The following PTGR2 variants were observed in gnomAD, a reference collection of about 807,000 sequenced individuals.
PTGR2 encodes the protein prostaglandin reductase 2, also known as 15-oxoprostaglandin 13-reductase.
Under a neutral mutation model 43.4 loss-of-function variants are expected in PTGR2, and 32 were observed. That is an observed-to-expected ratio of 0.74 (90% CI 0.56 to 0.99). The LOEUF (loss-of-function observed/expected upper bound fraction) is 0.99, where lower values mean the gene tolerates loss of function less well. Ranked by LOEUF, PTGR2 falls within the 50% of genes least tolerant of loss-of-function variation. PTGR2 has a pLI of 0.00. For synonymous variants in PTGR2, 106 were observed against 139.2 expected (o/e 0.76, Z 1.68); for missense variants, 373 against 420.0 (o/e 0.89, Z 0.98).
intron 1 of PTGR2, among the ~76,000 whole-genome samples, chr14:73,856,922 A>G (rs754834748): frequency 2.6e-5 from 4 of 152,238 alleles, no homozygotes; most frequent in Non-Finnish European, 4.4e-5. Flanking sequence ...TCAGCAAGTC[A>G]GATAGTGCTA....
At position 73,877,069 on chromosome 14, in the gene PTGR2, C is replaced by G. The variant is rs571676893; in HGVS notation, c.420C>G (p.Ser140=). 1.2e-6 allele frequency: 2 copies of G among 1,613,804 alleles called. No individual in the cohort carries two copies. The highest frequency in any genetic ancestry group is 1.1e-5 in the South Asian group (1 of 91,058). The change falls in exon 5 of 10, where the codon TCC becomes TCG. Residue 140 remains serine, a synonymous_variant. Transcript: ENST00000555661. ...LGAIGMPGLT[S]LIGIQEKGHI... Reference sequence around the variant, plus strand: ...CTATAGGTATGCCTGGTTTGACTTCCTTGATTGGGATACAGGAAAAAGGTC... The same window carrying G: ...CTATAGGTATGCCTGGTTTGACTTCGTTGATTGGGATACAGGAAAAAGGTC...
rs1798652360 is a variant in PTGR2, at chr14:73,858,874, A to T, written c.12A>T (p.Gln4His). Residue 4 changes from glutamine (Q) to histidine (H), a missense_variant, in exon 2 of 10, where the codon CAA becomes CAT. Coordinates refer to ENST00000555661, the MANE Select transcript of PTGR2 (RefSeq NM_001146154.2). MIV[Q>H]RVVLNSRPGK... Reference sequence around the variant, plus strand: ...GCCCAACCAGAGCAATGATTGTTCAAAGAGTGGTATTGAATTCTCGACCTG... The same window carrying T: ...GCCCAACCAGAGCAATGATTGTTCATAGAGTGGTATTGAATTCTCGACCTG... 2 of 1,611,864 alleles carry T rather than the reference A, an allele frequency of 1.2e-6. No individual in the cohort carries two copies.
rs543530771 is a variant in PTGR2 at position 73,869,754 on chromosome 14, G to A, written c.157-4269G>A. The stretch of plus-strand genomic sequence containing the variant: ...TAAAAAAAATAATCAGGCTGGGCGA[G>A]GTGGCTCATGCTGGTAATCCCAGCA... On this transcript the variant is annotated intron_variant, in intron 3 of 9. Transcript: ENST00000555661. Among the ~76,000 whole-genome samples the A allele has an allele frequency of 3.3e-5, 5 of 151,842 alleles. No individual in the cohort carries two copies. In the East Asian group the frequency reaches 9.8e-4, roughly 30 times the overall value.
At chr14:73,873,977 G>A in intron 3 of PTGR2, 46 bp from the exon 4 acceptor site, 1 of 1,452,136 alleles carries the variant, frequency 6.9e-7, no homozygotes, top group Non-Finnish European at 9.3e-7. Flanking sequence ...TAGTAGAGTG[G>A]TTTGACATTA....
chr14:73,863,492 T>G (rs2054538488), intron 3 of PTGR2, among the ~76,000 whole-genome samples: 1 of 152,156 alleles, frequency 6.6e-6, no homozygotes, highest in Non-Finnish European at 1.5e-5. Context: ...TTAAAATTTT[T>G]TAAAAAAACA....
chr14:73,880,590 A>C (rs1400521365), intron 7 of PTGR2, among the ~76,000 whole-genome samples: 2 of 129,502 alleles, frequency 1.5e-5, no homozygotes, highest in African/African-American at 2.6e-5. Context: ...AAAAAAACAA[A>C]AAAAAAAAAA....
chr14:73,884,144 G>C lies in PTGR2; in HGVS notation c.1023G>C (p.Gln341His). Residue 341 changes from glutamine (Q) to histidine (H), a missense_variant, in exon 10 of 10, where the codon CAG (glutamine) becomes CAC (histidine). By Grantham distance (24) the Gln-to-His change is conservative (BLOSUM62 0). Coordinates refer to ENST00000555661, the MANE Select transcript of PTGR2 (RefSeq NM_001146154.2). Reference sequence around the variant, plus strand: ...TGACAGGAGGTAACATTGGAAAGCAGATAGTTTGCATTTCAGAAGAAATCT... The same window carrying C: ...TGACAGGAGGTAACATTGGAAAGCACATAGTTTGCATTTCAGAAGAAATCT... ...SMMTGGNIGK[Q>H]IVCISEEISL The C allele has an allele frequency of 6.2e-7, 1 of 1,608,068 alleles. No homozygotes were observed. Among genetic ancestry groups the C allele is most frequent in the Non-Finnish European group, 8.5e-7 (1 of 1,177,168 alleles).
chr14:73,854,132 C>T (rs899113452), intron 1 of PTGR2, among the ~76,000 whole-genome samples: 6 of 151,984 alleles, frequency 3.9e-5, no homozygotes, highest in Admixed American at 1.3e-4. Context: ...GACAAAGTTT[C>T]GCTCTTGTCC....
intron 3 of PTGR2, among the ~76,000 whole-genome samples, chr14:73,867,878 C>A (rs547244177): frequency 5.9e-5 from 9 of 152,190 alleles, no homozygotes; most frequent in Non-Finnish European, 1.3e-4. Flanking sequence ...AGCCAGAATG[C>A]CAGAGTGATT....
Position 73,865,087 on chromosome 14 carries a change from A to T in PTGR2, c.156+4430A>T, listed in dbSNP as rs150174916. On this transcript the variant is annotated intron_variant, in intron 3 of 9. Transcript: ENST00000555661. ...AGACATGCACACACATATATATGAG[A>T]GGGGACTTATAAGAGGAATTGGCTC... Among the ~76,000 whole-genome samples, 451 of 152,244 alleles carry T rather than the reference A, an allele frequency of 3.0e-3. 5 individuals carry two copies. Among genetic ancestry groups the T allele is most frequent in the Middle Eastern group, 0.01 (3 of 294 alleles).
intron 3 of PTGR2, among the ~76,000 whole-genome samples, chr14:73,868,149 C>G (rs937468024): frequency 6.6e-6 from 1 of 152,058 alleles, no homozygotes. Context: ...ATTAGCCAGG[C>G]GTGGTGGCAC....
At chr14:73,881,121 A>C (rs1019968594) in intron 7 of PTGR2, 84 bp from the exon 8 acceptor site, 1 of 804,978 alleles carries the variant, frequency 1.2e-6, no homozygotes, top group South Asian at 1.5e-5. Context: ...GGATTAACAG[A>C]TATTAGAATT....
At chr14:73,874,553 A>G (rs1392130549) in intron 4 of PTGR2, 1 of 464,350 alleles carries the variant, frequency 2.2e-6, no homozygotes, top group Admixed American at 2.3e-5. Flanking sequence ...GGTGTTCTTT[A>G]TTTGTTTCTT....
chr14:73,885,337 G>C lies in PTGR2; in HGVS notation c.*1160G>C, dbSNP rs1193022736. Reference sequence around the variant, plus strand: ...ACAAAGACAGTTTCAGAAAATGACAGGACTGGGCAAATTAACAAATGTTTG... The same window carrying C: ...ACAAAGACAGTTTCAGAAAATGACACGACTGGGCAAATTAACAAATGTTTG... On this transcript the variant is annotated 3_prime_UTR_variant, in exon 10 of 10. Coordinates refer to ENST00000555661, the MANE Select transcript of PTGR2 (RefSeq NM_001146154.2). 1 of 152,164 alleles carries C rather than the reference G, an allele frequency of 6.6e-6. No individual in the cohort carries two copies. The highest frequency in any genetic ancestry group is 2.4e-5 in the African/African-American group (1 of 41,432). 9.4% of individuals were successfully genotyped at this position (152,164 alleles called of 1,614,324 possible). A position where few individuals can be genotyped will look rare whatever the true frequency, so the allele number is the denominator to read the frequency against.
intron 4 of PTGR2, among the ~76,000 whole-genome samples, chr14:73,874,901 C>G (rs34859361): frequency 6.6e-6 from 1 of 152,154 alleles, no homozygotes; most frequent in African/African-American, 2.4e-5. Context: ...CGGCGTCTCA[C>G]TCTGTCACCC....
At chr14:73,882,902 C>A (rs1383367927) in intron 9 of PTGR2, among the ~76,000 whole-genome samples, 1 of 141,086 alleles carries the variant, frequency 7.1e-6, no homozygotes, top group Non-Finnish European at 1.5e-5. Context: ...CTCACTGCAA[C>A]CTCCACCTCC....
Position 73,879,320 on chromosome 14 carries a change from T to G in PTGR2, c.729+15T>G, listed in dbSNP as rs749146576. On this transcript the variant is annotated intron_variant, in intron 6 of 9. Transcript: ENST00000555661. ...TGATAAGTCAGGTTGTTTGCTGATTTCTATAACAAATTTGAATACTGCACT... is the reference window on the plus strand; with the variant it reads ...TGATAAGTCAGGTTGTTTGCTGATTGCTATAACAAATTTGAATACTGCACT... 4 of 1,609,822 alleles carry G rather than the reference T, an allele frequency of 2.5e-6. No individual in the cohort carries two copies. The African/African-American group carries it at 5.3e-5, about 22-fold the overall frequency.
rs962164888 is a variant in PTGR2, at chr14:73,884,295, G to A, written c.*118G>A. The A allele has an allele frequency of 6.5e-6, 4 of 615,908 alleles. No homozygotes were observed. The South Asian group carries it at 8.2e-5, about 13-fold the overall frequency. The allele number at this position is 615,908 out of a possible 1,614,324, so 38.2% of individuals were successfully genotyped here. A position where few individuals can be genotyped will look rare whatever the true frequency, so the allele number is the denominator to read the frequency against. On this transcript the variant is annotated 3_prime_UTR_variant, in exon 10 of 10. Transcript: ENST00000555661. Reference sequence around the variant, plus strand: ...TCTTGATTTAAATGTGATCATAGGTGTTATTTTTAGTTGCATAGGGTATTT... The same window carrying A: ...TCTTGATTTAAATGTGATCATAGGTATTATTTTTAGTTGCATAGGGTATTT...
chr14:73,880,295 G>A (rs1355591091), intron 7 of PTGR2, 119 bp downstream of exon 7: 10 of 1,219,052 alleles, frequency 8.2e-6, no homozygotes, highest in South Asian at 6.2e-5. Flanking sequence ...ACTTTAGGTC[G>A]GGCATAGTGG....
Sources: gnomAD v4.1 joint callset for allele counts (sites outside exome capture counted in the v4.1 genomes callset) on GRCh38, gnomAD v4.1.1 for gene constraint, MANE v1.5 for transcripts, NCBI Gene and HGNC (gene_info 2026-07-23, HGNC 2026-07-21) for gene names.